The following ASIC2 variants were observed in gnomAD, a reference collection of about 807,000 sequenced individuals.
ASIC2 encodes the protein acid-sensing ion channel 2.
In ASIC2, 25 loss-of-function variants were observed where a neutral mutation model predicts 57.3. The observed-to-expected ratio is 0.44, with a 90% CI of 0.32 to 0.61. The LOEUF is 0.61. ASIC2 is among the 20% of genes least tolerant of loss of function. The pLI, the probability that ASIC2 is intolerant of heterozygous loss-of-function variation, is 0.06. For missense variants in ASIC2, 641 were observed against 738.1 expected, an observed-to-expected ratio of 0.87 and a Z score of 1.52; for synonymous variants, 319 against 307.5, an observed-to-expected ratio of 1.04 and a Z score of -0.39.
intron 1 of ASIC2, among the ~76,000 whole-genome samples, chr17:33,317,886 AGTGTGT>A (rs57716479): frequency 0.036 from 5,152 of 144,490 alleles, 107 homozygotes; most frequent in Admixed American, 0.053. Context: ...TGTGGAGATG[AGTGTGT>A]GTGTGTGTGT....
chr17:33,270,240 C>G (rs2142156867), intron 1 of ASIC2, among the ~76,000 whole-genome samples: 1 of 152,306 alleles, frequency 6.6e-6, no homozygotes, highest in Non-Finnish European at 1.5e-5. Flanking sequence ...AGCCTTTAAT[C>G]ATATAATCAT....
intron 1 of ASIC2, among the ~76,000 whole-genome samples, chr17:33,383,089 C>T (rs1483404393): frequency 2.0e-5 from 3 of 152,156 alleles, no homozygotes; most frequent in South Asian, 2.1e-4. Flanking sequence ...ACCTCCCATT[C>T]CTTCTTCAAG....
intron 1 of ASIC2, among the ~76,000 whole-genome samples, chr17:34,009,921 A>G (rs988205490): frequency 6.6e-6 from 1 of 152,230 alleles, no homozygotes; most frequent in Non-Finnish European, 1.5e-5. Flanking sequence ...AGACCATCAC[A>G]CTAAATGCAG....
At chr17:33,019,535 T>A (rs1318250755) in intron 7 of ASIC2, among the ~76,000 whole-genome samples, 1 of 151,568 alleles carries the variant, frequency 6.6e-6, no homozygotes, top group Non-Finnish European at 1.5e-5. Flanking sequence ...GGGTATGCTG[T>A]GGGTAGTGTG....
chr17:33,574,016 T>A (rs1217400847), intron 1 of ASIC2, among the ~76,000 whole-genome samples: 1 of 152,206 alleles, frequency 6.6e-6, no homozygotes, highest in Non-Finnish European at 1.5e-5. Context: ...GGTGGACTGT[T>A]AGGGTGTTTC....
chr17:33,746,368 A>T (rs1202689445), intron 1 of ASIC2, among the ~76,000 whole-genome samples: 1 of 148,888 alleles, frequency 6.7e-6, no homozygotes, highest in Non-Finnish European at 1.5e-5. Flanking sequence ...ATATATGTAG[A>T]TATACATGTA....
At position 33,813,682 on chromosome 17, in the gene ASIC2, C is replaced by T. The variant is rs187395733; in HGVS notation, c.555+342296G>A. ...CGATTTCCTGACCTCATGATCCGCC[C>T]GCCTGGGCCTCCCAAAGTCCTGGGA... is the stretch of plus-strand genomic sequence containing the variant. On this transcript the variant is annotated intron_variant, in intron 1 of 9. Coordinates refer to the ASIC2 transcript ENST00000359872. 6.4e-4 allele frequency among the ~76,000 whole-genome samples: 98 copies of T among 152,334 alleles called. 1 individual carries two copies. The East Asian group carries it at 0.016, about 26-fold the overall frequency.
At chr17:33,365,200 A>G (rs1435401854) in intron 1 of ASIC2, among the ~76,000 whole-genome samples, 1 of 152,092 alleles carries the variant, frequency 6.6e-6, no homozygotes, top group African/African-American at 2.4e-5. Flanking sequence ...CACTTGTCCT[A>G]ACTCCAATTC....
intron 1 of ASIC2, among the ~76,000 whole-genome samples, chr17:33,184,577 G>A (rs766542731): frequency 2.0e-5 from 3 of 152,212 alleles, no homozygotes; most frequent in Non-Finnish European, 4.4e-5. Flanking sequence ...CATCTGGTCA[G>A]AGCAGTGCCA....
At chr17:33,617,605 G>A (rs1342458083) in intron 1 of ASIC2, among the ~76,000 whole-genome samples, 1 of 152,174 alleles carries the variant, frequency 6.6e-6, no homozygotes, top group African/African-American at 2.4e-5. Context: ...GTGACAACAC[G>A]ATGTACCTGT....
At chr17:33,527,184 GGGA>G (rs557623127) in intron 1 of ASIC2, among the ~76,000 whole-genome samples, 65 of 152,324 alleles carry the variant, frequency 4.3e-4, no homozygotes, top group Admixed American at 1.2e-3. Flanking sequence ...GTGTGTGCCA[GGGA>G]GGAGGAGATG....
At chr17:33,149,275 C>T (rs1473199635) in intron 1 of ASIC2, among the ~76,000 whole-genome samples, 1 of 151,938 alleles carries the variant, frequency 6.6e-6, no homozygotes, top group Non-Finnish European at 1.5e-5. Flanking sequence ...GGTGTTTTTC[C>T]AGCTGTCTTT....
At chr17:34,123,042 C>G (rs1485008415) in intron 1 of ASIC2, among the ~76,000 whole-genome samples, 1 of 152,216 alleles carries the variant, frequency 6.6e-6, no homozygotes, top group African/African-American at 2.4e-5. Context: ...ACCACTCATT[C>G]CCAGTCAACA....
At chr17:33,309,911 T>A (rs10432047) in intron 1 of ASIC2, among the ~76,000 whole-genome samples, 35,776 of 143,790 alleles carry the variant, frequency 0.25, 5,403 homozygotes, top group African/African-American at 0.42. Context: ...TATCTGGAGG[T>A]TATTTTGTAT....
At chr17:34,107,660 T>C (rs1179458368) in intron 1 of ASIC2, among the ~76,000 whole-genome samples, 2 of 152,202 alleles carry the variant, frequency 1.3e-5, no homozygotes, top group African/African-American at 4.8e-5. Context: ...CCACCACAAG[T>C]CCAATCTGAC....
At chr17:33,240,663 C>T (rs1272080416) in intron 1 of ASIC2, among the ~76,000 whole-genome samples, 1 of 152,182 alleles carries the variant, frequency 6.6e-6, no homozygotes, top group Non-Finnish European at 1.5e-5. Flanking sequence ...GTCAGCATCC[C>T]TACCCCAGGC....
intron 1 of ASIC2, chr17:33,529,810 G>A: frequency 6.6e-6 from 1 of 152,306 alleles, no homozygotes. Context: ...GCATTTAATA[G>A]AGTGCTTGCT....
At chr17:33,874,393 T>C (rs1914500961) in intron 1 of ASIC2, among the ~76,000 whole-genome samples, 1 of 152,250 alleles carries the variant, frequency 6.6e-6, no homozygotes, top group Non-Finnish European at 1.5e-5. Flanking sequence ...AAATATTGAA[T>C]GGGGTATACT....
At chr17:33,367,079 T>C (rs2043970346) in intron 1 of ASIC2, among the ~76,000 whole-genome samples, 1 of 152,232 alleles carries the variant, frequency 6.6e-6, no homozygotes, top group African/African-American at 2.4e-5. Context: ...AATTAGCATC[T>C]TTGTATGGTA....
Sources: allele counts gnomAD v4.1 joint callset (sites outside exome capture counted in the v4.1 genomes callset), GRCh38; gene constraint gnomAD v4.1.1; transcripts MANE v1.5; gene names NCBI Gene and HGNC (gene_info 2026-07-23, HGNC 2026-07-21).